The following ACYP2 variants were observed in gnomAD, a reference collection of about 807,000 sequenced individuals.
The protein encoded by ACYP2 is acylphosphatase-2.
In ACYP2, 12 loss-of-function variants were observed where a neutral mutation model predicts 11.2. The observed-to-expected ratio is 1.08, with a 90% CI of 0.69 to 1.74. The LOEUF is 1.74. ACYP2 is among the 40% of genes most tolerant of loss of function. ACYP2 has a pLI of 0.00. For synonymous variants in ACYP2, 43 were observed against 32.2 expected (o/e 1.33, Z -1.13); for missense variants, 134 against 101.9 (o/e 1.31, Z -1.35).
In ACYP2 at chr2:53,987,435, C is replaced by A. The variant is rs112107709; in HGVS notation, c.62+13625C>A. Among the ~76,000 whole-genome samples, 1,089 of 151,032 alleles carry A rather than the reference C, an allele frequency of 7.2e-3. 23 individuals carry two copies. Among genetic ancestry groups the A allele is most frequent in the African/African-American group, 0.025 (1,038 of 41,096 alleles). ...CCTAATTCCCATTTAGCAAAGAGAA[C>A]AAAGTAGTTCATCTACAGGTTTTTG... On this transcript the variant is annotated intron_variant, in intron 2 of 6. Transcript: ENST00000607452.
Position 54,156,896 on chromosome 2 carries a change from G to A in ACYP2, c.404+18148G>A, listed in dbSNP as rs966124006. Among the ~76,000 whole-genome samples the A allele has an allele frequency of 3.3e-5, 5 of 152,272 alleles. No homozygotes were observed. The East Asian group carries it at 9.7e-4, about 29-fold the overall frequency. On this transcript the variant is annotated intron_variant, in intron 6 of 6. Coordinates refer to ENST00000607452, the MANE Select transcript of ACYP2 (RefSeq NM_001320586.2). ...TTGGCTAGGCTGGTCTTGAACTCCT[G>A]ACCTCAGGTGATCCACCCGCCTCGG...
At chr2:54,096,737 G>T (rs1001784782) in intron 4 of ACYP2, among the ~76,000 whole-genome samples, 1 of 152,232 alleles carries the variant, frequency 6.6e-6, no homozygotes, top group South Asian at 2.1e-4. Context: ...GCAGGCTGAG[G>T]CAGGAGAATC....
chr2:54,267,456 G>T, intron 6 of ACYP2: 1 of 1,204,614 alleles, frequency 8.3e-7, no homozygotes. Context: ...TGGGAGCTGG[G>T]GGAAGAGTGG....
intron 2 of ACYP2, among the ~76,000 whole-genome samples, chr2:54,011,310 C>T (rs139677597): frequency 3.0e-4 from 45 of 152,080 alleles, no homozygotes; most frequent in Non-Finnish European, 4.7e-4. Context: ...CCCATTTAAA[C>T]GTAATTTTTA....
Position 54,193,417 on chromosome 2 carries a change from A to G in ACYP2, c.404+54669A>G, listed in dbSNP as rs1684320967. ...GGAGAGTGAAATAACTCATTTAAAC[A>G]GATACCACTTGTTAGATGGTAGTGC... On this transcript the variant is annotated intron_variant, in intron 6 of 6. Coordinates refer to ENST00000607452, the MANE Select transcript of ACYP2 (RefSeq NM_001320586.2). 2.0e-5 allele frequency among the ~76,000 whole-genome samples: 3 copies of G among 152,348 alleles called. No individual in the cohort carries two copies. In the South Asian group the frequency reaches 6.2e-4, roughly 32 times the overall value.
chr2:54,101,886 G>C (rs1678914971), intron 4 of ACYP2, among the ~76,000 whole-genome samples: 1 of 152,120 alleles, frequency 6.6e-6, no homozygotes, highest in Admixed American at 6.5e-5. Flanking sequence ...TTTTGGATTA[G>C]TGTGATACAT....
chr2:54,239,258 T>A (rs1199299257), intron 6 of ACYP2, among the ~76,000 whole-genome samples: 1 of 152,152 alleles, frequency 6.6e-6, no homozygotes, highest in Non-Finnish European at 1.5e-5. Context: ...GTTCTGCTTT[T>A]CCAGGAATGT....
At chr2:54,256,761 C>T (rs754072600) in intron 6 of ACYP2, among the ~76,000 whole-genome samples, 2 of 152,242 alleles carry the variant, frequency 1.3e-5, no homozygotes, top group African/African-American at 2.4e-5. Context: ...CCTGCTTCAG[C>T]CTCCCAAGTA....
intron 3 of ACYP2, among the ~76,000 whole-genome samples, chr2:54,056,158 C>T (rs1317093889): frequency 6.6e-6 from 1 of 152,188 alleles, no homozygotes; most frequent in East Asian, 1.9e-4. Context: ...CTTCCACCAG[C>T]TTGAGGAGGA....
At chr2:54,234,325 C>T (rs1167332522) in intron 6 of ACYP2, among the ~76,000 whole-genome samples, 2 of 152,228 alleles carry the variant, frequency 1.3e-5, no homozygotes, top group Non-Finnish European at 2.9e-5. Flanking sequence ...ATGACCTTTG[C>T]TCATCACTAA....
At position 54,223,884 on chromosome 2, in the gene ACYP2, G is replaced by A. The variant is rs74593532; in HGVS notation, c.405-80804G>A. On this transcript the variant is annotated intron_variant, in intron 6 of 6. Transcript: ENST00000607452. ...AATATTCCATGAGTATAGTAAAACT[G>A]TGTTTTTAACGTAACAAATATTGTT... 4.0e-3 allele frequency among the ~76,000 whole-genome samples: 609 copies of A among 152,202 alleles called. 1 individual carries two copies. Among genetic ancestry groups the A allele is most frequent in the African/African-American group, 0.014 (592 of 41,538 alleles).
In ACYP2 at chr2:54,086,469, G is replaced by T. The variant is rs575706759; in HGVS notation, c.277+29109G>T. 2.7e-4 allele frequency among the ~76,000 whole-genome samples: 41 copies of T among 152,332 alleles called. 1 individual carries two copies. Among genetic ancestry groups the T allele is most frequent in the African/African-American group, 8.2e-4 (34 of 41,564 alleles). On this transcript the variant is annotated intron_variant, in intron 4 of 6. Transcript: ENST00000607452. ...TCATGAGTCTCACAAGCGGGTGTGG[G>T]AAGTGGGTAGTTAAGCATAAAATAT...
chr2:54,266,990 A>G (rs77736516), intron 6 of ACYP2, among the ~76,000 whole-genome samples: 3,869 of 152,212 alleles, frequency 0.025, 90 homozygotes, highest in Middle Eastern at 0.027. Flanking sequence ...CTGAGCCTAT[A>G]AAGCTCTTCC....
At chr2:54,067,906 G>C (rs1023272910) in intron 4 of ACYP2, among the ~76,000 whole-genome samples, 1 of 152,116 alleles carries the variant, frequency 6.6e-6, no homozygotes, top group African/African-American at 2.4e-5. Flanking sequence ...TAAATGCTTT[G>C]GTTATCTTAC....
chr2:54,210,678 C>CA (rs1685296619), intron 6 of ACYP2, among the ~76,000 whole-genome samples: 1 of 151,652 alleles, frequency 6.6e-6, no homozygotes, highest in Non-Finnish European at 1.5e-5. Flanking sequence ...ATTGTTTATT[C>CA]AAAACAGTAT....
At chr2:53,978,977 A>G (rs896245194) in intron 2 of ACYP2, among the ~76,000 whole-genome samples, 1 of 152,184 alleles carries the variant, frequency 6.6e-6, no homozygotes, top group Non-Finnish European at 1.5e-5. Context: ...GATACCTGAT[A>G]ATAATAAACG....
At chr2:54,267,175 G>T (rs1454257569) in intron 6 of ACYP2, 43 of 957,220 alleles carry the variant, frequency 4.5e-5, no homozygotes, top group Non-Finnish European at 6.6e-5. Flanking sequence ...TATTATTCAT[G>T]TATTTTTTCA....
intron 6 of ACYP2, among the ~76,000 whole-genome samples, chr2:54,163,907 G>A (rs1682839458): frequency 6.6e-6 from 1 of 152,142 alleles, no homozygotes; most frequent in African/African-American, 2.4e-5. Context: ...TCTGCCGTGG[G>A]GAGCATTGTG....
intron 6 of ACYP2, among the ~76,000 whole-genome samples, chr2:54,179,597 T>A (rs1276368378): frequency 6.6e-6 from 1 of 152,194 alleles, no homozygotes; most frequent in Admixed American, 6.5e-5. Context: ...CTCCCTTTTT[T>A]AGACCATATA....
Sources: allele counts gnomAD v4.1 joint callset (sites outside exome capture counted in the v4.1 genomes callset), GRCh38; gene constraint gnomAD v4.1.1; transcripts MANE v1.5; gene names NCBI Gene and HGNC (gene_info 2026-07-23, HGNC 2026-07-21).